Variants in ATG10 observed in about 807,000 individuals in gnomAD.
ATG10 encodes autophagy related 10.
In ATG10, 30 loss-of-function variants were observed where a neutral mutation model predicts 32.1. The ratio of observed to expected loss-of-function variants is 0.94; its 90% CI spans 0.70 to 1.27. The LOEUF (loss-of-function observed/expected upper bound fraction) is 1.27, where lower values mean the gene tolerates loss of function less well. Among genes scored for constraint, ATG10 ranks in the 50% most tolerant of loss-of-function variants. The pLI, the probability that ATG10 is intolerant of heterozygous loss-of-function variation, is 0.00. For synonymous variants in ATG10, 87 were observed against 91.5 expected (o/e 0.95, Z 0.28); for missense variants, 233 against 262.3 (o/e 0.89, Z 0.77).
At chr5:82,154,813 C>T (rs888732058) in intron 3 of ATG10, among the ~76,000 whole-genome samples, 3 of 152,190 alleles carry the variant, frequency 2.0e-5, no homozygotes. Flanking sequence ...AGGGATTCTC[C>T]TGGTAAAAAC....
At chr5:82,077,806 T>C (rs1245567349) in intron 3 of ATG10, among the ~76,000 whole-genome samples, 1 of 152,212 alleles carries the variant, frequency 6.6e-6, no homozygotes, top group Non-Finnish European at 1.5e-5. Context: ...AGCTGTAAGA[T>C]TTTCTTTTCT....
At chr5:82,058,466 C>T (rs765623929) in intron 2 of ATG10, 29 bp from the exon 3 acceptor site, 34 of 1,486,524 alleles carry the variant, frequency 2.3e-5, no homozygotes, top group Non-Finnish European at 2.9e-5. Context: ...TTGGCATTTT[C>T]TTATATATTT....
At chr5:82,128,602 G>A (rs1766378929) in intron 3 of ATG10, among the ~76,000 whole-genome samples, 1 of 151,328 alleles carries the variant, frequency 6.6e-6, no homozygotes, top group Non-Finnish European at 1.5e-5. Flanking sequence ...CTTTAAGAAT[G>A]TTGAATATTG....
At chr5:82,108,391 T>C (rs1259622590) in intron 3 of ATG10, among the ~76,000 whole-genome samples, 1 of 151,962 alleles carries the variant, frequency 6.6e-6, no homozygotes, top group African/African-American at 2.4e-5. Context: ...TGTGCATATA[T>C]ATACACACAG....
At chr5:82,187,930 G>C (rs1490983168) in intron 5 of ATG10, among the ~76,000 whole-genome samples, 1 of 152,084 alleles carries the variant, frequency 6.6e-6, no homozygotes, top group Non-Finnish European at 1.5e-5. Flanking sequence ...TTACACCTTG[G>C]AGTGTTTGTG....
intron 3 of ATG10, among the ~76,000 whole-genome samples, chr5:82,098,307 G>GTTTTTTTTTTTTTTTTTTTTTTTTTTT (rs1561297245): frequency 7.1e-6 from 1 of 141,162 alleles, no homozygotes; most frequent in African/African-American, 2.6e-5. Context: ...ATTGTTGTTG[G>GTTTTTTTTTTTTTTTTTTTTTTTTTTT]GTTTTTTTTT....
rs1158575413 is a variant in ATG10, at chr5:82,243,955, G to C, written c.454-8607G>C. On this transcript the variant is annotated intron_variant, in intron 5 of 7. Coordinates refer to ENST00000282185, the MANE Select transcript of ATG10 (RefSeq NM_031482.5). ...ATAATAAAGGTAAATGCAGAAATTA[G>C]TAAAACAGAGGACAAAGATACCTAA... is the stretch of plus-strand genomic sequence containing the variant. Among the ~76,000 whole-genome samples, 7 of 152,228 alleles carry C rather than the reference G, an allele frequency of 4.6e-5. No individual in the cohort carries two copies. The East Asian group carries it at 1.3e-3, about 29-fold the overall frequency.
intron 3 of ATG10, among the ~76,000 whole-genome samples, chr5:82,133,762 A>C (rs565900108): frequency 5.9e-5 from 9 of 152,102 alleles, no homozygotes; most frequent in Non-Finnish European, 1.3e-4. Context: ...TCTGTGAAGA[A>C]AGTCACTGGT....
At chr5:82,056,824 A>G (rs1763617704) in intron 2 of ATG10, among the ~76,000 whole-genome samples, 1 of 152,224 alleles carries the variant, frequency 6.6e-6, no homozygotes, top group South Asian at 2.1e-4. Flanking sequence ...AGAAGGAAGA[A>G]TGGATGTTTG....
intron 5 of ATG10, among the ~76,000 whole-genome samples, chr5:82,187,733 G>T (rs934973529): frequency 6.6e-6 from 1 of 151,258 alleles, no homozygotes; most frequent in South Asian, 2.1e-4. Flanking sequence ...GATTGCAGGC[G>T]CCCGCCACCA....
intron 2 of ATG10, among the ~76,000 whole-genome samples, chr5:82,049,414 G>C (rs1235955276): frequency 8.1e-6 from 1 of 123,684 alleles, no homozygotes; most frequent in African/African-American, 3.0e-5. Context: ...TGGGGGGAGG[G>C]GGGGAGGGAA....
At chr5:82,117,884 A>G (rs1765872250) in intron 3 of ATG10, among the ~76,000 whole-genome samples, 1 of 152,090 alleles carries the variant, frequency 6.6e-6, no homozygotes, top group Non-Finnish European at 1.5e-5. Context: ...TTCAGGCCAA[A>G]TGGGGCCTTT....
chr5:82,178,390 T>C (rs1744111493), intron 4 of ATG10, 100 bp from the exon 5 acceptor site: 1 of 731,186 alleles, frequency 1.4e-6, no homozygotes, highest in Non-Finnish European at 2.5e-6. Flanking sequence ...CTGAAGATCT[T>C]TCTAAAAGTC....
chr5:82,175,547 T>C (rs896574111), intron 4 of ATG10, among the ~76,000 whole-genome samples: 2 of 152,220 alleles, frequency 1.3e-5, no homozygotes, highest in Non-Finnish European at 2.9e-5. Flanking sequence ...CATGGGTGAA[T>C]TGTATGTACG....
At chr5:82,173,968 T>C (rs1743906535) in intron 4 of ATG10, among the ~76,000 whole-genome samples, 1 of 152,208 alleles carries the variant, frequency 6.6e-6, no homozygotes, top group African/African-American at 2.4e-5. Flanking sequence ...ATTCTTCAGG[T>C]TTCTACTTTG....
chr5:82,245,173 GGAGTA>G (rs2150023970), intron 5 of ATG10, among the ~76,000 whole-genome samples: 2 of 152,244 alleles, frequency 1.3e-5, no homozygotes, highest in South Asian at 4.1e-4. Flanking sequence ...AAACAAATAA[GGAGTA>G]GAGTTTAGAT....
rs1351187023 is a variant in ATG10, at chr5:82,197,723, TA to T, written c.453+19137del. On this transcript the variant is annotated intron_variant, in intron 5 of 7. Coordinates refer to ENST00000282185, the MANE Select transcript of ATG10 (RefSeq NM_031482.5). ...ATTATTTTCTTTCTTTCTTTCTTTC[TA>T]TCTATCTATCTATCTATCTATCTAT... 6.0e-3 allele frequency among the ~76,000 whole-genome samples: 326 copies of T among 54,036 alleles called. 1 individual carries two copies. Among genetic ancestry groups the T allele is most frequent in the South Asian group, 0.014 (24 of 1,712 alleles). 35.4% of individuals were successfully genotyped at this position (54,036 alleles called of 152,430 possible). A position where few individuals can be genotyped will look rare whatever the true frequency, so the allele number is the denominator to read the frequency against.
intron 3 of ATG10, among the ~76,000 whole-genome samples, chr5:82,117,967 A>G (rs957860636): frequency 6.6e-6 from 1 of 152,070 alleles, no homozygotes; most frequent in Non-Finnish European, 1.5e-5. Flanking sequence ...TGATTGGGCC[A>G]TAAGAGGAGA....
At chr5:82,028,219 A>G (rs1762647222) in intron 2 of ATG10, among the ~76,000 whole-genome samples, 1 of 152,224 alleles carries the variant, frequency 6.6e-6, no homozygotes, top group Non-Finnish European at 1.5e-5. Flanking sequence ...TTATTATCAA[A>G]TGAGTCAGGT....
Sources: allele counts gnomAD v4.1 joint callset (sites outside exome capture counted in the v4.1 genomes callset), GRCh38; gene constraint gnomAD v4.1.1; transcripts MANE v1.5; gene names NCBI Gene and HGNC (gene_info 2026-07-23, HGNC 2026-07-21).